The following ZNF263 variants were observed in gnomAD, a reference collection of about 807,000 sequenced individuals.
The protein encoded by ZNF263 is zinc finger protein 263, also known as zinc finger protein FPM315.
A neutral mutation model predicts 63.1 loss-of-function variants in ZNF263; 49 were observed. That is an observed-to-expected ratio of 0.78 (90% CI 0.62 to 0.99). ZNF263 has a LOEUF of 0.99. Among genes scored for constraint, ZNF263 ranks in the 50% least tolerant of loss-of-function variants. The pLI is 0.00. For missense variants in ZNF263, 872 were observed against 854.8 expected (o/e 1.02, Z -0.25); for synonymous variants, 352 against 324.2 (o/e 1.09, Z -0.92).
chr16:3,295,909 G>A (rs1229896210), downstream of ZNF263, among the ~76,000 whole-genome samples: 1 of 152,172 alleles, frequency 6.6e-6, no homozygotes, highest in Non-Finnish European at 1.5e-5. Context: ...TGTCCCCCAG[G>A]GACACTAGCC....
At position 3,289,877 on chromosome 16, in the gene ZNF263, G is replaced by T. The variant is rs781012157; in HGVS notation, c.1371G>T (p.Thr457=). 1.2e-6 allele frequency: 2 copies of T among 1,614,188 alleles called. No individual in the cohort carries two copies. Among genetic ancestry groups the T allele is most frequent in the South Asian group, 1.1e-5 (1 of 91,084 alleles). Reference sequence around the variant, plus strand: ...TGACTCGCCACCAACGCACCCACACGGGTGAGAAGCCCTATCAGTGCAACA... The same window carrying T: ...TGACTCGCCACCAACGCACCCACACTGGTGAGAAGCCCTATCAGTGCAACA... ...THLTRHQRTH[T]GEKPYQCNIC... is the part of the protein sequence containing the mutation. Residue 457 remains threonine (T), a synonymous_variant, in exon 6 of 6, where the codon ACG becomes ACT. Transcript: ENST00000219069.
At position 3,289,915 on chromosome 16, in the gene ZNF263, G is replaced by C. The variant is rs1959539825; in HGVS notation, c.1409G>C (p.Cys470Ser). ...TATCAGTGCAACATTTGCGGAAAAT[G>C]TTTCTCCTGCAACTCCAACCTCCAC... ...KPYQCNICGK[C>S]FSCNSNLHRH... The change falls in exon 6 of 6, where the codon TGT becomes TCT. Residue 470 changes from cysteine (C) to serine (S), a missense_variant. Physicochemically the swap from Cys to Ser is moderately radical, Grantham distance 112. Coordinates refer to ENST00000219069, the MANE Select transcript of ZNF263 (RefSeq NM_005741.5). 1 of 1,614,046 alleles carries C rather than the reference G, an allele frequency of 6.2e-7. No homozygotes were observed. Among genetic ancestry groups the C allele is most frequent in the Non-Finnish European group, 8.5e-7 (1 of 1,180,048 alleles).
chr16:3,288,546 C>G lies in ZNF263; in HGVS notation c.862C>G (p.Leu288Val). Residue 288 changes from leucine (L) to valine (V), a missense_variant, in exon 5 of 6, where the codon CTG becomes GTG. By Grantham distance (32) the Leu-to-Val change is conservative (BLOSUM62 1). Transcript: ENST00000219069. ...DPSVQSCKEG[L>V]SPRGPAPGEE... ...CAGTGTCCAGAGCTGCAAGGAGGGC[C>G]TGAGCCCCAGAGGCCCAGCTCCAGG... The G allele has an allele frequency of 1.9e-6, 3 of 1,611,704 alleles. No individual in the cohort carries two copies. Among genetic ancestry groups the G allele is most frequent in the Non-Finnish European group, 2.5e-6 (3 of 1,179,048 alleles).
intron 2 of ZNF263, chr16:3,300,006 C>T (rs981546305): frequency 1.9e-6 from 3 of 1,614,136 alleles, no homozygotes; most frequent in Non-Finnish European, 2.5e-6. Flanking sequence ...TGTTTATTTT[C>T]TTCCCTGGTA....
chr16:3,283,566 C>T lies in ZNF263; in HGVS notation c.-253C>T. Reference sequence around the variant, plus strand: ...TGGGTCCTCTATATAGGGTGAGAAGCGTGGCGCTCGGTTCCTGCCTCGGGG... The same window carrying T: ...TGGGTCCTCTATATAGGGTGAGAAGTGTGGCGCTCGGTTCCTGCCTCGGGG... On this transcript the variant is annotated 5_prime_UTR_variant, in exon 1 of 6. Coordinates refer to ENST00000219069, the MANE Select transcript of ZNF263 (RefSeq NM_005741.5). 5.2e-6 allele frequency: 2 copies of T among 387,424 alleles called. No homozygotes were observed. The highest frequency in any genetic ancestry group is 4.4e-6 in the Non-Finnish European group (1 of 228,042). 24.0% of individuals were successfully genotyped at this position (387,424 alleles called of 1,614,324 possible).
intron 5 of ZNF263, 94 bp from the exon 6 acceptor site, chr16:3,289,299 G>T: frequency 7.3e-7 from 1 of 1,368,432 alleles, no homozygotes; most frequent in Non-Finnish European, 9.8e-7. Context: ...AGCCCTTCTG[G>T]GCTGCTGACC....
chr16:3,300,346 T>C lies in ZNF263; in HGVS notation c.*47-567T>C, dbSNP rs1432762922. 9.9e-6 allele frequency: 16 copies of C among 1,614,262 alleles called. No homozygotes were observed. The highest frequency in any genetic ancestry group is 1.4e-5 in the Non-Finnish European group (16 of 1,180,054). ...TACCGGAACACCGGCTGAGCGTTTC[T>C]GTTGGTACCACATGTAGACCGCATC... On this transcript the variant is annotated intron_variant, in intron 2 of 2. Coordinates refer to the ZNF263 transcript ENST00000574674.
chr16:3,299,689 C>G (rs1484485334), intron 2 of ZNF263: 2 of 1,540,532 alleles, frequency 1.3e-6, no homozygotes, highest in African/African-American at 2.8e-5. Context: ...ACCATCCTCA[C>G]TGGTTAGGGA....
At chr16:3,295,601 G>A (rs1283954856), downstream of ZNF263, among the ~76,000 whole-genome samples, 2 of 152,274 alleles carry the variant, frequency 1.3e-5, no homozygotes, top group East Asian at 3.8e-4. Flanking sequence ...GAAAGCGCGG[G>A]GCCGCCCTAG....
At position 3,289,429 on chromosome 16, in the gene ZNF263, C is replaced by T; in HGVS notation, c.923C>T (p.Ser308Phe). The change falls in exon 6 of 6, where the codon TCT (serine) becomes TTT (phenylalanine). Residue 308 changes from serine to phenylalanine, a missense_variant. Physicochemically the swap from Ser to Phe is radical, Grantham distance 155. Transcript: ENST00000219069. ...TTTGAGAACCTGGAAGGTGTTCCGT[C>T]TGTATGCTCTGAGAACATCCACCCT... ...EKFENLEGVP[S>F]VCSENIHPQV... The T allele has an allele frequency of 6.6e-7, 1 of 1,520,198 alleles. No individual in the cohort carries two copies. Among genetic ancestry groups the T allele is most frequent in the Non-Finnish European group, 8.8e-7 (1 of 1,136,458 alleles). 94.2% of individuals were successfully genotyped at this position (1,520,198 alleles called of 1,614,324 possible).
At chr16:3,286,419 T>A (rs1959360724) in intron 4 of ZNF263, 1 of 293,894 alleles carries the variant, frequency 3.4e-6, no homozygotes. Flanking sequence ...CCCAATGCGG[T>A]GACAACCTGC....
At chr16:3,287,994 G>A (rs1008313014) in intron 4 of ZNF263, among the ~76,000 whole-genome samples, 14 of 151,814 alleles carry the variant, frequency 9.2e-5, no homozygotes, top group African/African-American at 3.1e-4. Context: ...GCTCACACCT[G>A]TAATCCCAGC....
At chr16:3,285,959 C>G in intron 3 of ZNF263, 64 bp from the exon 4 acceptor site, 1 of 1,613,064 alleles carries the variant, frequency 6.2e-7, no homozygotes, top group Non-Finnish European at 8.5e-7. Context: ...CCCCTTTAAC[C>G]CATGACTCTG....
intron 4 of ZNF263, among the ~76,000 whole-genome samples, chr16:3,287,356 C>T (rs1295846312): frequency 6.6e-6 from 1 of 151,620 alleles, no homozygotes; most frequent in Non-Finnish European, 1.5e-5. Flanking sequence ...AGGTGATCCA[C>T]CCGCCTCCCA....
chr16:3,296,391 C>A (rs1175038531), downstream of ZNF263, among the ~76,000 whole-genome samples: 1 of 152,186 alleles, frequency 6.6e-6, no homozygotes, highest in African/African-American at 2.4e-5. Flanking sequence ...TGCCATCCCC[C>A]TCCACTTCCA....
At chr16:3,291,739 T>TA (rs1424506305), downstream of ZNF263, among the ~76,000 whole-genome samples, 1 of 152,230 alleles carries the variant, frequency 6.6e-6, no homozygotes, top group East Asian at 1.9e-4. Context: ...TCTATAGCAG[T>TA]AAAAATGTTT....
At chr16:3,300,397 G>A (rs142977074) in intron 2 of ZNF263, 13 of 1,613,952 alleles carry the variant, frequency 8.1e-6, no homozygotes, top group African/African-American at 1.3e-5. Context: ...TTTGGCTCCC[G>A]TTGTCCTCTT....
intron 2 of ZNF263, chr16:3,300,663 C>T (rs375308666): frequency 2.2e-4 from 334 of 1,521,214 alleles, no homozygotes; most frequent in Non-Finnish European, 2.9e-4. Context: ...AGGGAAAAGC[C>T]TTAATGAATT....
intron 4 of ZNF263, 165 bp downstream of exon 4, chr16:3,286,314 G>C: frequency 5.8e-6 from 6 of 1,040,652 alleles, no homozygotes; most frequent in Middle Eastern, 3.3e-4. Context: ...TATCTGCCAA[G>C]TGGTACAGTT....
Sources: allele counts gnomAD v4.1 joint callset (sites outside exome capture counted in the v4.1 genomes callset), GRCh38; gene constraint gnomAD v4.1.1; transcripts MANE v1.5; gene names NCBI Gene and HGNC (gene_info 2026-07-23, HGNC 2026-07-21).